The following RBFOX1 variants were observed in gnomAD, a reference collection of about 807,000 sequenced individuals.
RBFOX1 encodes the protein RNA binding fox-1 homolog 1.
Under a neutral mutation model 57.7 loss-of-function variants are expected in RBFOX1, and 8 were observed. That is an observed-to-expected ratio of 0.14 (90% confidence interval 0.08 to 0.25). RBFOX1 has a LOEUF of 0.25. RBFOX1 is among the 10% of genes least tolerant of loss of function. The pLI is 1.00. For missense variants in RBFOX1, 611 were observed against 548.5 expected (o/e 1.11, Z -1.14); for synonymous variants, 326 against 222.4 (o/e 1.47, Z -4.15).
At chr16:7,527,816 A>C (rs2079040903) in intron 5 of RBFOX1, among the ~76,000 whole-genome samples, 1 of 152,298 alleles carries the variant, frequency 6.6e-6, no homozygotes, top group Non-Finnish European at 1.5e-5. Flanking sequence ...CCATAATGAG[A>C]AATCAGAGCG....
At position 5,677,920 on chromosome 16, in the gene RBFOX1, A is replaced by G. The variant is rs565360814; in HGVS notation, c.318+78959A>G. Among the ~76,000 whole-genome samples, 214 of 152,296 alleles carry G rather than the reference A, an allele frequency of 1.4e-3. 1 individual carries two copies. Among genetic ancestry groups the G allele is most frequent in the African/African-American group, 4.8e-3 (200 of 41,580 alleles). ...AGGTCTTCAGGACCAAGATTGTTAA[A>G]GAGCTTTGCTTTTATTCCATGAGCC... is the stretch of plus-strand genomic sequence containing the variant. On this transcript the variant is annotated intron_variant, in intron 3 of 19. Coordinates refer to the RBFOX1 transcript ENST00000641259.
chr16:6,069,392 C>G (rs1268934302), intron 1 of RBFOX1, among the ~76,000 whole-genome samples: 1 of 99,080 alleles, frequency 1.0e-5, no homozygotes, highest in Non-Finnish European at 2.0e-5. Flanking sequence ...GAGCGAAACT[C>G]TGCCTCAAAA....
intron 2 of RBFOX1, among the ~76,000 whole-genome samples, chr16:6,578,598 C>CGTGTGTGTGTGTGTGT (rs57470848): frequency 0.52 from 57,661 of 110,588 alleles, 12,041 homozygotes; most frequent in Middle Eastern, 0.65. Flanking sequence ...GGTGTGTGTG[C>CGTGTGTGTGTGTGTGT]GTGTGTGTGT....
rs376134698 is a variant in RBFOX1 at position 6,496,682 on chromosome 16, G to A, written c.-63-157921G>A. On this transcript the variant is annotated intron_variant, in intron 2 of 15. Transcript: ENST00000550418. ...AGCTAAATTACAGCGAGTATTGGCC[G>A]GGCACGGTGTCTCATGCCTGTAATC... Among the ~76,000 whole-genome samples, 6 of 152,094 alleles carry A rather than the reference G, an allele frequency of 3.9e-5. No homozygotes were observed. The South Asian group carries it at 6.2e-4, about 16-fold the overall frequency.
chr16:5,746,422 G>T (rs1339918588), intron 3 of RBFOX1, among the ~76,000 whole-genome samples: 4 of 152,182 alleles, frequency 2.6e-5, no homozygotes, highest in Non-Finnish European at 5.9e-5. Flanking sequence ...GGCAATGCGG[G>T]CTCTTTTTTG....
At chr16:5,307,830 T>C (rs1288427284) in intron 1 of RBFOX1, among the ~76,000 whole-genome samples, 4 of 152,126 alleles carry the variant, frequency 2.6e-5, no homozygotes, top group Non-Finnish European at 2.9e-5. Flanking sequence ...TGCACCACCA[T>C]GCCCAGGTAA....
intron 4 of RBFOX1, among the ~76,000 whole-genome samples, chr16:5,914,795 T>C (rs1191457521): frequency 6.6e-6 from 1 of 152,030 alleles, no homozygotes; most frequent in Admixed American, 6.5e-5. Context: ...CTCAGGAGGC[T>C]GAGGCAGGAG....
At chr16:5,834,350 G>A (rs1033287585) in intron 3 of RBFOX1, among the ~76,000 whole-genome samples, 2 of 152,144 alleles carry the variant, frequency 1.3e-5, no homozygotes, top group African/African-American at 2.4e-5. Flanking sequence ...AGAACATGAG[G>A]TATTTGATTT....
intron 4 of RBFOX1, among the ~76,000 whole-genome samples, chr16:5,908,099 C>CACACAT (rs2058509002): frequency 7.3e-6 from 1 of 137,668 alleles, no homozygotes; most frequent in African/African-American, 3.1e-5. Context: ...CATATATACA[C>CACACAT]ATATATATAT....
intron 9 of RBFOX1, among the ~76,000 whole-genome samples, chr16:7,602,091 T>A (rs764517084): frequency 6.6e-6 from 1 of 152,232 alleles, no homozygotes; most frequent in African/African-American, 2.4e-5. Flanking sequence ...TTCTTTGATA[T>A]GTAACCCAGC....
chr16:5,479,485 A>G (rs1198157292), intron 2 of RBFOX1, among the ~76,000 whole-genome samples: 2 of 152,164 alleles, frequency 1.3e-5, no homozygotes, highest in Non-Finnish European at 2.9e-5. Flanking sequence ...CCGGCCAGGC[A>G]TGGTGGCTCA....
intron 4 of RBFOX1, among the ~76,000 whole-genome samples, chr16:7,247,315 A>G (rs2094341813): frequency 6.6e-6 from 1 of 152,176 alleles, no homozygotes; most frequent in African/African-American, 2.4e-5. Flanking sequence ...AGCAAGTCTC[A>G]CAGACACACC....
chr16:5,413,421 T>C (rs949672336), intron 1 of RBFOX1, among the ~76,000 whole-genome samples: 2 of 152,212 alleles, frequency 1.3e-5, no homozygotes, highest in Admixed American at 1.3e-4. Flanking sequence ...ATCCGTGGTA[T>C]CCATGTAGCT....
At chr16:6,305,268 C>G (rs2079358100) in intron 1 of RBFOX1, among the ~76,000 whole-genome samples, 1 of 152,168 alleles carries the variant, frequency 6.6e-6, no homozygotes, top group Non-Finnish European at 1.5e-5. Flanking sequence ...AGAACACGTA[C>G]CAATACTAAC....
At chr16:5,756,726 A>C (rs2053410929) in intron 3 of RBFOX1, among the ~76,000 whole-genome samples, 1 of 152,116 alleles carries the variant, frequency 6.6e-6, no homozygotes, top group African/African-American at 2.4e-5. Flanking sequence ...CTTATACCTA[A>C]TTCTTTGAGC....
intron 3 of RBFOX1, among the ~76,000 whole-genome samples, chr16:6,770,185 C>G (rs1391113751): frequency 6.6e-6 from 1 of 152,074 alleles, no homozygotes; most frequent in Non-Finnish European, 1.5e-5. Context: ...TTGTATATAT[C>G]CATTAGCAGT....
At chr16:6,824,983 G>GTTTTTTTTT (rs151177772) in intron 3 of RBFOX1, among the ~76,000 whole-genome samples, 1,232 of 36,912 alleles carry the variant, frequency 0.033, 278 homozygotes, top group Non-Finnish European at 0.058. Context: ...TTCTTTCTTG[G>GTTTTTTTTT]TTTTTTTTTT....
chr16:5,287,023 G>A (rs1442988467), intron 1 of RBFOX1, among the ~76,000 whole-genome samples: 2 of 152,196 alleles, frequency 1.3e-5, no homozygotes, highest in African/African-American at 4.8e-5. Context: ...AAAAAGAAGA[G>A]GCTGGGTGTG....
At chr16:6,887,702 A>G (rs1278999658) in intron 3 of RBFOX1, among the ~76,000 whole-genome samples, 2 of 150,314 alleles carry the variant, frequency 1.3e-5, no homozygotes, top group African/African-American at 4.9e-5. Context: ...TCACTCTGTC[A>G]CCCAGGTTGG....
Sources: allele counts gnomAD v4.1 joint callset (sites outside exome capture counted in the v4.1 genomes callset), GRCh38; gene constraint gnomAD v4.1.1; transcripts MANE v1.5; gene names NCBI Gene and HGNC (gene_info 2026-07-23, HGNC 2026-07-21).